Variants in ERG observed in about 807,000 individuals in gnomAD.
The protein encoded by ERG is transcriptional regulator ERG.
A neutral mutation model predicts 55.3 loss-of-function variants in ERG; 9 were observed. The observed-to-expected ratio is 0.16, with a 90% confidence interval of 0.10 to 0.28. The LOEUF (loss-of-function observed/expected upper bound fraction) is 0.28. ERG is among the 10% of genes least tolerant of loss of function. ERG has a pLI of 1.00. For missense variants in ERG, 434 were observed against 631.6 expected (o/e 0.69, Z 3.35); for synonymous variants, 223 against 237.3 (o/e 0.94, Z 0.55).
At position 38,637,446 on chromosome 21, in the gene ERG, G is replaced by A. The variant is rs377688775; in HGVS notation, c.-150+24212C>T. ...CTATTGTGGTGAAATGAGTGATCAC[G>A]TTGGAATTAGACACTGTACTACTAA... On this transcript the variant is annotated intron_variant, in intron 1 of 10. Coordinates refer to the ERG transcript ENST00000398910. Among the ~76,000 whole-genome samples the A allele has an allele frequency of 7.9e-5, 12 of 152,228 alleles. No individual in the cohort carries two copies. The East Asian group carries it at 2.1e-3, about 27-fold the overall frequency.
chr21:38,450,987 A>G, intron 1 of ERG: 1 of 438,786 alleles, frequency 2.3e-6, no homozygotes, highest in East Asian at 7.0e-5. Context: ...GTGTCTGTGA[A>G]TGGAATCATT....
chr21:38,501,232 AT>A (rs1215201824), upstream of ERG, among the ~76,000 whole-genome samples: 2 of 150,994 alleles, frequency 1.3e-5, no homozygotes, highest in African/African-American at 4.9e-5. Context: ...CACCTGGCTA[AT>A]TTTTTTTGTA....
chr21:38,539,121 A>G (rs1360432792), intron 2 of ERG, among the ~76,000 whole-genome samples: 1 of 152,206 alleles, frequency 6.6e-6, no homozygotes, highest in Non-Finnish European at 1.5e-5. Context: ...CTGTAAACTA[A>G]TGCATAATGT....
the ERG span, among the ~76,000 whole-genome samples, chr21:38,369,939 T>A: frequency 2.9e-4 from 44 of 152,170 alleles, no homozygotes; most frequent in East Asian, 7.3e-3. Flanking sequence ...AAGTGTGCAG[T>A]CTTATTTCTG....
intron 1 of ERG, among the ~76,000 whole-genome samples, chr21:38,461,121 G>A (rs2059038400): frequency 6.6e-6 from 1 of 152,180 alleles, no homozygotes; most frequent in African/African-American, 2.4e-5. Flanking sequence ...GGACTGAGGG[G>A]CTTAAGCAAC....
At chr21:38,562,673 A>T (rs1173284313) in intron 2 of ERG, among the ~76,000 whole-genome samples, 1 of 152,194 alleles carries the variant, frequency 6.6e-6, no homozygotes, top group Non-Finnish European at 1.5e-5. Context: ...CTTCTATCCT[A>T]CTGAGCTCAA....
chr21:38,540,436 G>A (rs1257210240), intron 2 of ERG, among the ~76,000 whole-genome samples: 1 of 152,100 alleles, frequency 6.6e-6, no homozygotes, highest in Admixed American at 6.5e-5. Context: ...GACTCACCCT[G>A]ACAGTTATAA....
At chr21:38,483,225 T>C (rs946853810) in intron 1 of ERG, among the ~76,000 whole-genome samples, 2 of 152,162 alleles carry the variant, frequency 1.3e-5, no homozygotes, top group African/African-American at 2.4e-5. Flanking sequence ...ATAAGGGATA[T>C]GCTTAATAAT....
At chr21:38,541,321 A>G (rs1473695918) in intron 2 of ERG, among the ~76,000 whole-genome samples, 1 of 152,212 alleles carries the variant, frequency 6.6e-6, no homozygotes, top group African/African-American at 2.4e-5. Flanking sequence ...CCCCTCAATT[A>G]TCTTGGTAAT....
intron 1 of ERG, among the ~76,000 whole-genome samples, chr21:38,635,353 T>C (rs932203311): frequency 2.0e-5 from 3 of 152,118 alleles, no homozygotes; most frequent in African/African-American, 7.2e-5. Context: ...CAGGCCCTAA[T>C]GTAAACTATA....
chr21:38,629,343 A>G (rs1050865356), intron 1 of ERG, among the ~76,000 whole-genome samples: 1 of 152,214 alleles, frequency 6.6e-6, no homozygotes, highest in African/African-American at 2.4e-5. Context: ...TCCACACTCA[A>G]TGGATTCTCA....
intron 2 of ERG, among the ~76,000 whole-genome samples, chr21:38,535,780 A>T (rs1358866240): frequency 3.3e-5 from 5 of 152,204 alleles, no homozygotes; most frequent in Admixed American, 6.5e-5. Flanking sequence ...TGATCCCACA[A>T]ATTCACTTGT....
chr21:38,549,667 A>T (rs1306615296), intron 2 of ERG, among the ~76,000 whole-genome samples: 5 of 152,268 alleles, frequency 3.3e-5, no homozygotes, highest in Non-Finnish European at 2.9e-5. Context: ...TGAAAAAAAG[A>T]GAAAGTACAA....
At chr21:38,415,477 T>C (rs1196345290) in intron 3 of ERG, among the ~76,000 whole-genome samples, 1 of 152,216 alleles carries the variant, frequency 6.6e-6, no homozygotes, top group Non-Finnish European at 1.5e-5. Context: ...TAAACTTTGA[T>C]GTTAGCATTT....
intron 1 of ERG, among the ~76,000 whole-genome samples, chr21:38,646,650 C>T (rs2060458520): frequency 6.6e-6 from 1 of 152,182 alleles, no homozygotes; most frequent in Non-Finnish European, 1.5e-5. Context: ...AACACTCACC[C>T]TCCATCTCTG....
At chr21:38,494,639 A>T (rs764861579) in intron 1 of ERG, among the ~76,000 whole-genome samples, 10 of 152,238 alleles carry the variant, frequency 6.6e-5, no homozygotes, top group Non-Finnish European at 1.2e-4. Context: ...CAAAACAAAA[A>T]CTTTATGAGA....
intron 2 of ERG, among the ~76,000 whole-genome samples, chr21:38,525,629 C>T (rs2836469): frequency 0.33 from 50,110 of 152,166 alleles, 9,537 homozygotes; most frequent in Non-Finnish European, 0.42. Context: ...ATCCTGCTCA[C>T]GTTACCTCCT....
rs562059686 is a variant in ERG, at chr21:38,460,972, T to A, written c.19-15351A>T. ...CTGGTAGAACGTGTCTCCATATTAATAAGCAGTGAATCCTCTTTTGCGGCT... is the reference window on the plus strand; with the variant it reads ...CTGGTAGAACGTGTCTCCATATTAAAAAGCAGTGAATCCTCTTTTGCGGCT... On this transcript the variant is annotated intron_variant, in intron 1 of 9. Transcript: ENST00000288319. This position sits in a 1 kb window ranked among gnomAD's most constrained non-coding sequence, Gnocchi z 5.0. Among the ~76,000 whole-genome samples the A allele has an allele frequency of 1.3e-5, 2 of 152,226 alleles. No homozygotes were observed. The highest frequency in any genetic ancestry group is 2.4e-5 in the African/African-American group (1 of 41,464).
At chr21:38,385,149 A>G (rs1015582558) in intron 9 of ERG, among the ~76,000 whole-genome samples, 15 of 152,228 alleles carry the variant, frequency 9.9e-5, no homozygotes, top group Non-Finnish European at 1.8e-4. Context: ...ACATCATTCT[A>G]GCTGCTATGT....
Sources: allele counts gnomAD v4.1 joint callset (sites outside exome capture counted in the v4.1 genomes callset), GRCh38; gene constraint gnomAD v4.1.1; non-coding constraint Gnocchi (gnomAD v3.1); transcripts MANE v1.5; gene names NCBI Gene and HGNC (gene_info 2026-07-23, HGNC 2026-07-21).